Variants in SLC39A11 observed in about 807,000 individuals in gnomAD.
The protein encoded by SLC39A11 is solute carrier family 39 member 11.
SLC39A11 carries 33 observed loss-of-function variants against 36.1 expected under a neutral mutation model. That is an observed-to-expected ratio of 0.91 (90% CI 0.69 to 1.22). SLC39A11 has a LOEUF of 1.22. Among genes scored for constraint, SLC39A11 ranks in the 50% most tolerant of loss-of-function variants. SLC39A11 has a pLI of 0.00. For missense variants in SLC39A11, 432 were observed against 430.3 expected (o/e 1.00, Z -0.03); for synonymous variants, 166 against 170.3 (o/e 0.97, Z 0.20).
intron 7 of SLC39A11, among the ~76,000 whole-genome samples, chr17:72,652,840 C>A (rs1038803224): frequency 6.6e-6 from 1 of 152,178 alleles, no homozygotes; most frequent in African/African-American, 2.4e-5. Context: ...ACTGTGCAAC[C>A]TGAAGGCATT....
intron 3 of SLC39A11, among the ~76,000 whole-genome samples, chr17:73,058,759 C>T (rs564033722): frequency 2.6e-5 from 4 of 152,264 alleles, no homozygotes; most frequent in East Asian, 1.9e-4. Flanking sequence ...AGAAGACTGA[C>T]GCAGTTGAGT....
intron 6 of SLC39A11, among the ~76,000 whole-genome samples, chr17:72,773,141 C>G (rs981915261): frequency 6.6e-6 from 1 of 152,140 alleles, no homozygotes; most frequent in African/African-American, 2.4e-5. Flanking sequence ...ATTCTTTGAT[C>G]TGGAAGAGTT....
intron 7 of SLC39A11, among the ~76,000 whole-genome samples, chr17:72,649,543 T>C (rs573782412): frequency 6.6e-6 from 1 of 152,368 alleles, no homozygotes; most frequent in South Asian, 2.1e-4. Flanking sequence ...CAGAACACAC[T>C]GGCTGGCTCT....
chr17:72,911,349 C>G (rs67914355), intron 5 of SLC39A11, among the ~76,000 whole-genome samples: 1 of 151,336 alleles, frequency 6.6e-6, no homozygotes, highest in African/African-American at 2.4e-5. Context: ...CACACCAACA[C>G]GGCACATGTA....
chr17:72,770,247 T>C (rs1434978731), intron 6 of SLC39A11, among the ~76,000 whole-genome samples: 1 of 152,210 alleles, frequency 6.6e-6, no homozygotes. Context: ...GATCCACTTA[T>C]GTGAGGCTCC....
At chr17:72,860,011 A>AGAGGGGAGGG (rs79153544) in intron 5 of SLC39A11, among the ~76,000 whole-genome samples, 2 of 85,330 alleles carry the variant, frequency 2.3e-5, no homozygotes, top group African/African-American at 4.8e-5. Flanking sequence ...CTAGACGAGG[A>AGAGGGGAGGG]GAGGGGAGGG....
intron 4 of SLC39A11, among the ~76,000 whole-genome samples, chr17:72,988,479 C>A (rs545994544): frequency 6.6e-6 from 1 of 152,240 alleles, no homozygotes; most frequent in Admixed American, 6.5e-5. Flanking sequence ...CAAAACAAAA[C>A]AAAACAAATG....
At position 73,067,937 on chromosome 17, in the gene SLC39A11, G is replaced by A. The variant is rs2060045702; in HGVS notation, c.147+16871C>T. 102 of 1,602,382 alleles carry A rather than the reference G, an allele frequency of 6.4e-5. 4 individuals carry two copies. In the South Asian group the frequency reaches 1.1e-3, roughly 17 times the overall value. ...ATCACTGCCAAAACACTCAGAGAGA[G>A]TTCCAACTTCTTGGTCTGGGGAAGG... On this transcript the variant is annotated intron_variant, in intron 3 of 9. Coordinates refer to ENST00000255559, the MANE Select transcript of SLC39A11 (RefSeq NM_139177.4).
At chr17:73,005,763 AG>A (rs2090141750) in intron 4 of SLC39A11, among the ~76,000 whole-genome samples, 2 of 152,200 alleles carry the variant, frequency 1.3e-5, no homozygotes, top group African/African-American at 4.8e-5. Flanking sequence ...CTTGGCCAAC[AG>A]GGTGAACCCA....
chr17:72,783,565 G>A (rs1369116015), intron 6 of SLC39A11, among the ~76,000 whole-genome samples: 5 of 152,218 alleles, frequency 3.3e-5, no homozygotes, highest in Admixed American at 6.5e-5. Context: ...GGCAGCAAAC[G>A]AAATGACCCA....
At chr17:73,008,792 G>A (rs545209805) in intron 4 of SLC39A11, among the ~76,000 whole-genome samples, 1 of 152,248 alleles carries the variant, frequency 6.6e-6, no homozygotes, top group South Asian at 2.1e-4. Context: ...AGTGGCTCAC[G>A]CCTGTAATCC....
intron 7 of SLC39A11, among the ~76,000 whole-genome samples, chr17:72,714,112 T>C (rs1010219595): frequency 1.3e-5 from 2 of 152,130 alleles, no homozygotes; most frequent in African/African-American, 4.8e-5. Flanking sequence ...TCCCAGCACT[T>C]TGGGAGGCCG....
intron 5 of SLC39A11, among the ~76,000 whole-genome samples, chr17:72,867,753 T>TGC (rs200322372): frequency 2.7e-4 from 36 of 133,912 alleles, no homozygotes; most frequent in Non-Finnish European, 3.7e-4. Context: ...TTGAATGAAG[T>TGC]GCGCGCGCAC....
chr17:72,993,935 G>C (rs2089342890), intron 4 of SLC39A11, among the ~76,000 whole-genome samples: 1 of 152,114 alleles, frequency 6.6e-6, no homozygotes, highest in Admixed American at 6.5e-5. Context: ...TCCTGGGAGG[G>C]ACCTAGTGGG....
At chr17:72,865,540 G>A (rs2080260778) in intron 5 of SLC39A11, among the ~76,000 whole-genome samples, 1 of 151,452 alleles carries the variant, frequency 6.6e-6, no homozygotes. Context: ...GGGTAACGAG[G>A]CTCTCAAAGG....
At chr17:73,013,214 A>G (rs894126736) in intron 4 of SLC39A11, among the ~76,000 whole-genome samples, 6 of 152,126 alleles carry the variant, frequency 3.9e-5, no homozygotes, top group Admixed American at 3.9e-4. Context: ...CAGCCTCCCG[A>G]GTAGCTGGGA....
chr17:73,060,751 T>C (rs148712168), intron 3 of SLC39A11, among the ~76,000 whole-genome samples: 35 of 152,274 alleles, frequency 2.3e-4, no homozygotes, highest in African/African-American at 7.9e-4. Context: ...TTTACTCATA[T>C]GTGTTCTAGA....
intron 4 of SLC39A11, among the ~76,000 whole-genome samples, chr17:72,976,894 T>A (rs2148119976): frequency 6.6e-6 from 1 of 152,112 alleles, no homozygotes; most frequent in South Asian, 2.1e-4. Flanking sequence ...CTGTTAGGTC[T>A]CAGGATTATA....
At chr17:72,912,433 CTTT>C (rs527360752) in intron 5 of SLC39A11, among the ~76,000 whole-genome samples, 3 of 142,478 alleles carry the variant, frequency 2.1e-5, no homozygotes, top group Admixed American at 1.4e-4. Context: ...AGGACAATAT[CTTT>C]TTTTTTTTTT....
Sources: allele counts gnomAD v4.1 joint callset (sites outside exome capture counted in the v4.1 genomes callset), GRCh38; gene constraint gnomAD v4.1.1; transcripts MANE v1.5; gene names NCBI Gene and HGNC (gene_info 2026-07-23, HGNC 2026-07-21).